Variants in PLXDC2 observed in about 807,000 individuals in gnomAD.
PLXDC2 encodes the protein plexin domain-containing protein 2.
In PLXDC2, 40 loss-of-function variants were observed where a neutral mutation model predicts 68.9. That is an observed-to-expected ratio of 0.58 (90% confidence interval 0.45 to 0.76). The LOEUF is 0.76. Ranked by LOEUF, PLXDC2 falls within the 30% of genes least tolerant of loss-of-function variation. The pLI, the probability that PLXDC2 is intolerant of heterozygous loss-of-function variation, is 0.00. For missense variants in PLXDC2, 644 were observed against 661.9 expected (o/e 0.97, Z 0.30); for synonymous variants, 243 against 234.2 (o/e 1.04, Z -0.34).
intron 4 of PLXDC2, 69 bp from the exon 5 acceptor site, chr10:20,143,226 G>A (rs1834029445): frequency 6.8e-7 from 1 of 1,468,210 alleles, no homozygotes; most frequent in African/African-American, 1.4e-5. Flanking sequence ...AATTGAGTTG[G>A]AAGTATTTTA....
rs1311995069 is a variant in PLXDC2, at chr10:20,211,657, TC to T, written c.1062-11del. 6.2e-7 allele frequency: 1 copy of T among 1,612,906 alleles called. No individual in the cohort carries two copies. ...CTTCCTTTTCTGAACTGCATTGTGG[TC>T]TTCTTTGAAGATGTTCCAGTGGATT... is the stretch of plus-strand genomic sequence containing the variant. On this transcript the variant is annotated splice_polypyrimidine_tract_variant and intron_variant, in intron 9 of 13. Transcript: ENST00000377252.
chr10:20,046,476 T>C lies in PLXDC2; in HGVS notation c.325-393T>C, dbSNP rs141783931. Among the ~76,000 whole-genome samples the C allele has an allele frequency of 5.9e-3, 895 of 152,262 alleles. 9 individuals are homozygous for C. The highest frequency in any genetic ancestry group is 0.021 in the African/African-American group (855 of 41,576). On this transcript the variant is annotated intron_variant, in intron 2 of 13. Transcript: ENST00000377252. ...GGCAAAATCAATTTAGAATACTGCA[T>C]AGAATATTCTTTTCCTTTTTGTAAT...
chr10:19,974,962 A>T (rs1307263748), intron 1 of PLXDC2, among the ~76,000 whole-genome samples: 1 of 152,210 alleles, frequency 6.6e-6, no homozygotes, highest in Non-Finnish European at 1.5e-5. Context: ...AGTTATCATT[A>T]TTCCATTTTC....
At chr10:20,089,188 G>A (rs1476987081) in intron 4 of PLXDC2, among the ~76,000 whole-genome samples, 1 of 100,422 alleles carries the variant, frequency 1.0e-5, no homozygotes, top group Admixed American at 9.3e-5. Flanking sequence ...GTGTGTGTGT[G>A]TGTGTGTGTG....
intron 6 of PLXDC2, among the ~76,000 whole-genome samples, chr10:20,157,811 A>G (rs1834236892): frequency 6.6e-6 from 1 of 152,216 alleles, no homozygotes; most frequent in Non-Finnish European, 1.5e-5. Context: ...CTATCTTGTT[A>G]TATAGAGCAA....
At position 20,082,070 on chromosome 10, in the gene PLXDC2, A is replaced by AAAAAAAAAAAC. The variant is rs1554765383; in HGVS notation, c.541+13837_541+13838insAAAACAAAAAA. On this transcript the variant is annotated intron_variant, in intron 4 of 13. Transcript: ENST00000377252. ...GAAAAAAAAAAAAAAAAATCAAAAAAAAAAAACAGGAGAAGTCTGAGAAAC... is the reference window on the plus strand; with the variant it reads ...GAAAAAAAAAAAAAAAAATCAAAAAAAAAAAAAAAACAAAAAACAGGAGAAGTCTGAGAAAC... Among the ~76,000 whole-genome samples, 83 of 121,986 alleles carry AAAAAAAAAAAC rather than the reference A, an allele frequency of 6.8e-4. 1 individual carries two copies. The highest frequency in any genetic ancestry group is 4.2e-3 in the East Asian group (14 of 3,348). 80.0% of individuals were successfully genotyped at this position (121,986 alleles called of 152,430 possible). A position where few individuals can be genotyped will look rare whatever the true frequency, so the allele number is the denominator to read the frequency against.
At chr10:20,279,635 A>C (rs1383099880) in intron 13 of PLXDC2, 68 bp from the exon 14 acceptor site, 2 of 1,193,946 alleles carry the variant, frequency 1.7e-6, no homozygotes, top group Non-Finnish European at 2.5e-6. Flanking sequence ...ATAGCTAGCA[A>C]ATAGATTTTT....
At chr10:20,121,541 C>T (rs960309474) in intron 4 of PLXDC2, among the ~76,000 whole-genome samples, 9 of 152,164 alleles carry the variant, frequency 5.9e-5, no homozygotes, top group African/African-American at 2.2e-4. Flanking sequence ...TGCGGCAGTA[C>T]AGCCCAGGTA....
At chr10:20,075,060 C>T (rs1028071240) in intron 4 of PLXDC2, among the ~76,000 whole-genome samples, 4 of 152,188 alleles carry the variant, frequency 2.6e-5, no homozygotes, top group African/African-American at 4.8e-5. Context: ...TCTGCTGAAT[C>T]TGAATAATTC....
At chr10:20,009,793 T>C (rs1835080815) in intron 2 of PLXDC2, among the ~76,000 whole-genome samples, 1 of 150,596 alleles carries the variant, frequency 6.6e-6, no homozygotes, top group African/African-American at 2.5e-5. Flanking sequence ...CTTCATTGTG[T>C]ACGACACTAA....
chr10:19,929,816 A>T (rs1833596614), intron 1 of PLXDC2, among the ~76,000 whole-genome samples: 1 of 152,198 alleles, frequency 6.6e-6, no homozygotes, highest in Non-Finnish European at 1.5e-5. Flanking sequence ...TTGTAATTTT[A>T]TGTTAATGCT....
chr10:19,829,646 G>T (rs546441400), intron 1 of PLXDC2, among the ~76,000 whole-genome samples: 1 of 152,068 alleles, frequency 6.6e-6, no homozygotes, highest in East Asian at 1.9e-4. Context: ...GAGAATCACT[G>T]GAACCCAAAA....
intron 4 of PLXDC2, among the ~76,000 whole-genome samples, chr10:20,125,239 T>G (rs2131767247): frequency 6.6e-6 from 1 of 152,164 alleles, no homozygotes; most frequent in East Asian, 1.9e-4. Context: ...AGTGGGACTC[T>G]AAGAGAATGT....
chr10:19,926,440 G>T (rs1326939660), intron 1 of PLXDC2, among the ~76,000 whole-genome samples: 1 of 152,170 alleles, frequency 6.6e-6, no homozygotes, highest in Non-Finnish European at 1.5e-5. Context: ...AAGAGAAAGG[G>T]CTGATTTGCT....
At chr10:20,147,365 T>C (rs1009412882) in intron 5 of PLXDC2, among the ~76,000 whole-genome samples, 1 of 152,216 alleles carries the variant, frequency 6.6e-6, no homozygotes, top group Non-Finnish European at 1.5e-5. Flanking sequence ...CATTTTCAGG[T>C]CTTTTGTATG....
chr10:20,126,855 T>C (rs1833798691), intron 4 of PLXDC2, among the ~76,000 whole-genome samples: 1 of 147,062 alleles, frequency 6.8e-6, no homozygotes, highest in Admixed American at 6.9e-5. Context: ...TATACATATA[T>C]GTTATGTATG....
At chr10:19,882,646 A>G (rs2131351742) in intron 1 of PLXDC2, among the ~76,000 whole-genome samples, 1 of 152,320 alleles carries the variant, frequency 6.6e-6, no homozygotes, top group Non-Finnish European at 1.5e-5. Context: ...GTTTCGAGGG[A>G]CAAATGTTAA....
intron 1 of PLXDC2, among the ~76,000 whole-genome samples, chr10:19,921,219 A>T (rs535491339): frequency 6.6e-6 from 1 of 151,418 alleles, no homozygotes; most frequent in Non-Finnish European, 1.5e-5. Context: ...TAAAAGCAGG[A>T]CTTTGGTTTC....
At chr10:19,987,901 A>G (rs1348720191) in intron 1 of PLXDC2, among the ~76,000 whole-genome samples, 2 of 152,090 alleles carry the variant, frequency 1.3e-5, no homozygotes, top group African/African-American at 4.8e-5. Flanking sequence ...ATTTTTGTTA[A>G]CAGAAAAGAG....
Sources: gnomAD v4.1 joint callset for allele counts (sites outside exome capture counted in the v4.1 genomes callset) on GRCh38, gnomAD v4.1.1 for gene constraint, MANE v1.5 for transcripts, NCBI Gene and HGNC (gene_info 2026-07-23, HGNC 2026-07-21) for gene names.